Variants in ERBIN observed in about 807,000 individuals in gnomAD.
ERBIN encodes the protein erbb2 interacting protein, also known as densin-180-like protein.
ERBIN carries 60 observed loss-of-function variants against 158.4 expected under a neutral mutation model. The ratio of observed to expected loss-of-function variants is 0.38; its 90% CI spans 0.31 to 0.47. The LOEUF (loss-of-function observed/expected upper bound fraction) is 0.47, where lower values mean the gene tolerates loss of function less well. Ranked by LOEUF, ERBIN falls within the 20% of genes least tolerant of loss-of-function variation. The pLI, the probability that ERBIN is intolerant of heterozygous loss-of-function variation, is 0.99. For missense variants in ERBIN, 1,610 were observed against 1,648.0 expected, an observed-to-expected ratio of 0.98 and a Z score of 0.40; for synonymous variants, 594 against 557.2, an observed-to-expected ratio of 1.07 and a Z score of -0.93.
At chr5:66,072,861 G>A (rs1038171005) in intron 22 of ERBIN, among the ~76,000 whole-genome samples, 1 of 151,982 alleles carries the variant, frequency 6.6e-6, no homozygotes, top group Non-Finnish European at 1.5e-5. Context: ...CATGCCTCTA[G>A]TATGACCAGA....
intron 25 of ERBIN, 40 bp downstream of exon 25, chr5:66,076,989 C>T (rs1762037572): frequency 1.5e-6 from 2 of 1,340,748 alleles, no homozygotes; most frequent in Admixed American, 3.8e-5. Flanking sequence ...TTTTATAACA[C>T]TCTAATGTTT....
chr5:66,003,923 C>CTTTTT (rs35063438), intron 4 of ERBIN, among the ~76,000 whole-genome samples: 39 of 62,650 alleles, frequency 6.2e-4, no homozygotes, highest in African/African-American at 2.1e-3. Context: ...GAGCAGCAGT[C>CTTTTT]TTTTTTTTTT....
At chr5:65,974,919 C>G (rs1434424989) in intron 1 of ERBIN, among the ~76,000 whole-genome samples, 1 of 152,124 alleles carries the variant, frequency 6.6e-6, no homozygotes, top group African/African-American at 2.4e-5. Flanking sequence ...GTGATGGAAG[C>G]TAAATGAAGA....
chr5:65,978,634 C>T (rs1687732666), intron 1 of ERBIN, among the ~76,000 whole-genome samples: 4 of 152,166 alleles, frequency 2.6e-5, no homozygotes, highest in Non-Finnish European at 4.4e-5. Context: ...TATGGAGAGA[C>T]ATTGAAGGGA....
chr5:66,049,859 T>A (rs1758842818), intron 19 of ERBIN, among the ~76,000 whole-genome samples: 1 of 152,118 alleles, frequency 6.6e-6, no homozygotes, highest in Admixed American at 6.5e-5. Flanking sequence ...TATGAACACT[T>A]GTCTGTTTCT....
At chr5:66,074,798 AAAG>A (rs1271449829) in intron 22 of ERBIN, among the ~76,000 whole-genome samples, 2 of 152,208 alleles carry the variant, frequency 1.3e-5, no homozygotes, top group Admixed American at 1.3e-4. Context: ...AAAGCTTAAA[AAAG>A]TGAGTGTAAC....
At chr5:66,032,906 C>T (rs150890671) in intron 14 of ERBIN, among the ~76,000 whole-genome samples, 22 of 152,180 alleles carry the variant, frequency 1.4e-4, no homozygotes, top group African/African-American at 5.1e-4. Context: ...GATAATACTG[C>T]CACAACCAAG....
chr5:65,969,876 C>T (rs1749057886), intron 1 of ERBIN, among the ~76,000 whole-genome samples: 2 of 152,138 alleles, frequency 1.3e-5, no homozygotes, highest in African/African-American at 4.8e-5. Context: ...CCAAGGTGGT[C>T]ATATATTGTT....
rs749442366 is a variant in ERBIN at position 66,028,123 on chromosome 5, A to G, written c.1137-151A>G. On this transcript the variant is annotated intron_variant, in intron 13 of 25. Coordinates refer to ENST00000284037, the MANE Select transcript of ERBIN (RefSeq NM_001253697.2). ...ATATTTTGTTTTATGTCCTATACGA[A>G]GAATTATATTGGACTTTTCTCGATT... 6.0e-4 allele frequency: 293 copies of G among 491,698 alleles called. 1 individual carries two copies. Among genetic ancestry groups the G allele is most frequent in the Non-Finnish European group, 7.7e-4 (215 of 278,442 alleles). The allele number at this position is 491,698 out of a possible 1,614,324, so 30.5% of individuals were successfully genotyped here.
intron 1 of ERBIN, among the ~76,000 whole-genome samples, chr5:65,927,562 C>G (rs925603024): frequency 6.6e-6 from 1 of 152,168 alleles, no homozygotes; most frequent in African/African-American, 2.4e-5. Context: ...CATTAACAAC[C>G]TGTAAGACGT....
chr5:65,960,441 G>A (rs1747776675), intron 1 of ERBIN, among the ~76,000 whole-genome samples: 2 of 152,156 alleles, frequency 1.3e-5, no homozygotes, highest in Non-Finnish European at 2.9e-5. Flanking sequence ...TAAGACCTCT[G>A]CATTTCGCTA....
intron 22 of ERBIN, 59 bp from the exon 23 acceptor site, chr5:66,074,965 A>G: frequency 6.6e-7 from 1 of 1,516,648 alleles, no homozygotes; most frequent in African/African-American, 1.4e-5. Flanking sequence ...GAAGAAATCC[A>G]AATATTTGAA....
intron 1 of ERBIN, among the ~76,000 whole-genome samples, chr5:65,983,456 ATAT>A (rs946168628): frequency 3.3e-5 from 5 of 151,326 alleles, no homozygotes; most frequent in African/African-American, 9.7e-5. Flanking sequence ...ATTCTTTTTC[ATAT>A]TATTATTTTA....
chr5:66,060,046 G>A (rs983631540), intron 21 of ERBIN, among the ~76,000 whole-genome samples: 5 of 152,180 alleles, frequency 3.3e-5, no homozygotes, highest in African/African-American at 1.2e-4. Flanking sequence ...GATGATGCTG[G>A]CCTCATAAAA....
At chr5:65,963,443 A>C (rs139654286) in intron 1 of ERBIN, among the ~76,000 whole-genome samples, 1,686 of 152,212 alleles carry the variant, frequency 0.011, 35 homozygotes, top group African/African-American at 0.037. Flanking sequence ...TAAAAATACA[A>C]AACAATTAGC....
At chr5:65,982,790 AGACTAT>A (rs1211725275) in intron 1 of ERBIN, among the ~76,000 whole-genome samples, 1 of 152,224 alleles carries the variant, frequency 6.6e-6, no homozygotes, top group African/African-American at 2.4e-5. Context: ...AATTACTTAT[AGACTAT>A]GACTCAGCAG....
intron 1 of ERBIN, among the ~76,000 whole-genome samples, chr5:65,963,737 A>G (rs892062922): frequency 6.6e-6 from 1 of 151,192 alleles, no homozygotes; most frequent in Non-Finnish European, 1.5e-5. Flanking sequence ...ATATAGACAA[A>G]TTTTATTTTT....
rs140115971 is a variant in ERBIN at position 66,027,785 on chromosome 5, T to G, written c.1137-489T>G. On this transcript the variant is annotated intron_variant, in intron 13 of 25. Coordinates refer to ENST00000284037, the MANE Select transcript of ERBIN (RefSeq NM_001253697.2). ...TCTTCCACAGATACTGAGGAATGAC[T>G]GTACTTTGTTTTTAATCATTATCAT... is the stretch of plus-strand genomic sequence containing the variant. Among the ~76,000 whole-genome samples, 708 of 152,144 alleles carry G rather than the reference T, an allele frequency of 4.7e-3. 4 individuals are homozygous for G. The highest frequency in any genetic ancestry group is 0.017 in the Middle Eastern group (5 of 294).
chr5:66,012,484 A>C (rs944137725), intron 5 of ERBIN, among the ~76,000 whole-genome samples: 1 of 152,200 alleles, frequency 6.6e-6, no homozygotes, highest in Non-Finnish European at 1.5e-5. Context: ...AAAACAATGA[A>C]ACCAAAAGTT....
Sources: gnomAD v4.1 joint callset for allele counts (sites outside exome capture counted in the v4.1 genomes callset) on GRCh38, gnomAD v4.1.1 for gene constraint, MANE v1.5 for transcripts, NCBI Gene and HGNC (gene_info 2026-07-23, HGNC 2026-07-21) for gene names.